GRHL2: variants seen among roughly 807,000 people sequenced by gnomAD.
GRHL2 encodes grainyhead like transcription factor 2.
GRHL2 carries 21 observed loss-of-function variants against 83.8 expected under a neutral mutation model. That is an observed-to-expected ratio of 0.25 (90% CI 0.18 to 0.36). GRHL2 has a LOEUF of 0.36. Ranked by LOEUF, GRHL2 falls within the 10% of genes least tolerant of loss-of-function variation. The pLI, the probability that GRHL2 is intolerant of heterozygous loss-of-function variation, is 1.00. For synonymous variants in GRHL2, 280 were observed against 278.9 expected (o/e 1.00, Z -0.04); for missense variants, 623 against 781.8 (o/e 0.80, Z 2.42).
intron 4 of GRHL2, among the ~76,000 whole-genome samples, chr8:101,560,228 C>T (rs2130183482): frequency 6.6e-6 from 1 of 152,144 alleles, no homozygotes; most frequent in South Asian, 2.1e-4. Context: ...CAGGGTTTCA[C>T]CATGTTGTCA....
intron 4 of GRHL2, among the ~76,000 whole-genome samples, chr8:101,566,844 G>A (rs1037776322): frequency 6.6e-6 from 1 of 151,876 alleles, no homozygotes; most frequent in African/African-American, 2.4e-5. Context: ...CCTGCACACA[G>A]TTTGTAGTTT....
chr8:101,665,187 C>A (rs1814021514), intron 15 of GRHL2, among the ~76,000 whole-genome samples: 1 of 152,166 alleles, frequency 6.6e-6, no homozygotes, highest in South Asian at 2.1e-4. Flanking sequence ...CAGATTTGAA[C>A]CCATCTGTGT....
intron 2 of GRHL2, among the ~76,000 whole-genome samples, chr8:101,549,491 G>A (rs1025429983): frequency 6.6e-6 from 1 of 152,204 alleles, no homozygotes; most frequent in African/African-American, 2.4e-5. Context: ...CCTGGAGGCT[G>A]AGCCTGGAGG....
chr8:101,567,708 G>A (rs1444617626), intron 4 of GRHL2, among the ~76,000 whole-genome samples: 1 of 152,152 alleles, frequency 6.6e-6, no homozygotes, highest in Non-Finnish European at 1.5e-5. Flanking sequence ...ATTGAAGTGG[G>A]ATTCTGTATT....
At chr8:101,552,685 T>G in intron 2 of GRHL2, 30 bp from the exon 3 acceptor site, 1 of 1,610,876 alleles carries the variant, frequency 6.2e-7, no homozygotes, top group Non-Finnish European at 8.5e-7. Context: ...CCTCTGTGTA[T>G]GTCTGACTGA....
intron 1 of GRHL2, among the ~76,000 whole-genome samples, chr8:101,522,606 T>A (rs1810708005): frequency 6.6e-6 from 1 of 152,052 alleles, no homozygotes; most frequent in Admixed American, 6.6e-5. Flanking sequence ...AAATGAGAAG[T>A]TTGGAGTGGA....
At chr8:101,568,720 T>C (rs1367669815) in intron 4 of GRHL2, among the ~76,000 whole-genome samples, 3 of 152,178 alleles carry the variant, frequency 2.0e-5, no homozygotes, top group Non-Finnish European at 4.4e-5. Flanking sequence ...AAAATTCCCA[T>C]TGAATGCTTT....
At chr8:101,626,626 A>G (rs1304525766) in intron 9 of GRHL2, among the ~76,000 whole-genome samples, 1 of 152,060 alleles carries the variant, frequency 6.6e-6, no homozygotes, top group Admixed American at 6.6e-5. Flanking sequence ...GGCAAAAATG[A>G]TCACAATATT....
At chr8:101,651,855 G>T (rs1813627503) in intron 14 of GRHL2, among the ~76,000 whole-genome samples, 1 of 152,128 alleles carries the variant, frequency 6.6e-6, no homozygotes, top group Non-Finnish European at 1.5e-5. Context: ...AAAAAGAAAA[G>T]GTTTCATTGA....
intron 5 of GRHL2, among the ~76,000 whole-genome samples, chr8:101,570,658 A>T (rs921011229): frequency 1.3e-5 from 2 of 152,052 alleles, no homozygotes; most frequent in Non-Finnish European, 2.9e-5. Flanking sequence ...CCTCATACTC[A>T]TGTGCTTCCA....
chr8:101,663,934 A>T, intron 14 of GRHL2, among the ~76,000 whole-genome samples: 1 of 151,120 alleles, frequency 6.6e-6, no homozygotes, highest in African/African-American at 2.4e-5. Context: ...GCGTTTTTAA[A>T]GTTGTGTTGT....
chr8:101,526,812 C>T (rs75807239), intron 1 of GRHL2, among the ~76,000 whole-genome samples: 34 of 152,250 alleles, frequency 2.2e-4, no homozygotes, highest in Non-Finnish European at 3.8e-4. Flanking sequence ...GTGCTTTACA[C>T]GTACTTCCTG....
At chr8:101,552,832 C>A in intron 3 of GRHL2, 50 bp downstream of exon 3, 1 of 1,531,658 alleles carries the variant, frequency 6.5e-7, no homozygotes, top group Non-Finnish European at 9.0e-7. Context: ...TTCTAAAAAA[C>A]AATGTTATTA....
chr8:101,510,278 T>C lies in GRHL2; in HGVS notation c.20+17489T>C, dbSNP rs948195625. Among the ~76,000 whole-genome samples, 36 of 152,218 alleles carry C rather than the reference T, an allele frequency of 2.4e-4. 1 individual carries two copies. The highest frequency in any genetic ancestry group is 1.4e-3 in the Admixed American group (21 of 15,288). Reference sequence around the variant, plus strand: ...ACCCAAAGTGGTGGGATTACAGGCATGAGCCACTGCAACTAGCCATATTTT... The same window carrying C: ...ACCCAAAGTGGTGGGATTACAGGCACGAGCCACTGCAACTAGCCATATTTT... On this transcript the variant is annotated intron_variant, in intron 1 of 15. Coordinates refer to ENST00000646743, the MANE Select transcript of GRHL2 (RefSeq NM_024915.4).
At chr8:101,553,651 C>T (rs906127299) in intron 3 of GRHL2, among the ~76,000 whole-genome samples, 1 of 123,350 alleles carries the variant, frequency 8.1e-6, no homozygotes, top group Non-Finnish European at 1.6e-5. Context: ...TTTTTTGAGA[C>T]GGAGTCTCGC....
At chr8:101,535,504 C>T (rs1318607252) in intron 1 of GRHL2, among the ~76,000 whole-genome samples, 2 of 152,128 alleles carry the variant, frequency 1.3e-5, no homozygotes, top group Non-Finnish European at 2.9e-5. Flanking sequence ...ATTCTTGGAT[C>T]TGACAGCTCA....
At chr8:101,622,634 A>G (rs1018854110) in intron 9 of GRHL2, among the ~76,000 whole-genome samples, 8 of 152,140 alleles carry the variant, frequency 5.3e-5, no homozygotes, top group Admixed American at 3.9e-4. Context: ...GGGAAGAGAG[A>G]GGAACAGGGA....
intron 11 of GRHL2, 152 bp from the exon 12 acceptor site, chr8:101,636,745 A>ACG: frequency 2.8e-6 from 2 of 703,718 alleles, no homozygotes; most frequent in Admixed American, 1.9e-5. Flanking sequence ...ACACACACAC[A>ACG]CACACACACA....
At chr8:101,644,808 A>G (rs2129672003) in intron 13 of GRHL2, among the ~76,000 whole-genome samples, 1 of 151,820 alleles carries the variant, frequency 6.6e-6, no homozygotes, top group East Asian at 1.9e-4. Context: ...GCTGCAGCCA[A>G]CACTGAGGCT....
Sources: gnomAD v4.1 joint callset for allele counts (sites outside exome capture counted in the v4.1 genomes callset) on GRCh38, gnomAD v4.1.1 for gene constraint, MANE v1.5 for transcripts, NCBI Gene and HGNC (gene_info 2026-07-23, HGNC 2026-07-21) for gene names.